Variants in MVB12A observed in about 807,000 individuals in gnomAD.
MVB12A encodes multivesicular body subunit 12A.
In MVB12A, 30 loss-of-function variants were observed where a neutral mutation model predicts 34.3. The observed-to-expected ratio is 0.88, with a 90% confidence interval of 0.65 to 1.19. MVB12A has a LOEUF of 1.19. Ranked by LOEUF, MVB12A falls within the 50% of genes most tolerant of loss-of-function variation. MVB12A has a pLI of 0.00. For missense variants in MVB12A, 355 were observed against 369.2 expected (o/e 0.96, Z 0.31); for synonymous variants, 158 against 158.9 (o/e 0.99, Z 0.04).
rs139658832 is a variant in MVB12A at position 17,412,653 on chromosome 19, A to G, written c.-5+6357A>G. Among the ~76,000 whole-genome samples the G allele has an allele frequency of 1.4e-4, 21 of 152,366 alleles. No homozygotes were observed. In the East Asian group the frequency reaches 3.9e-3, roughly 28 times the overall value. ...CACACAAATTAGAAACTGAAACAGT[A>G]TCTCCATCAACTCAGAGAAAACAGT... On this transcript the variant is annotated intron_variant, in intron 2 of 6. Coordinates refer to the MVB12A transcript ENST00000528604.
At chr19:17,423,452 G>T in intron 4 of MVB12A, 46 bp from the exon 5 acceptor site, 1 of 1,597,936 alleles carries the variant, frequency 6.3e-7, no homozygotes, top group Non-Finnish European at 8.5e-7. Context: ...CTCAACCCTG[G>T]CCCCACACCG....
At chr19:17,424,352 C>T (rs1329817459) in intron 7 of MVB12A, among the ~76,000 whole-genome samples, 1 of 152,132 alleles carries the variant, frequency 6.6e-6, no homozygotes, top group Admixed American at 6.6e-5. Flanking sequence ...GAGACCAAGG[C>T]AGGTGGATCA....
upstream of MVB12A, among the ~76,000 whole-genome samples, chr19:17,416,049 G>A (rs981267817): frequency 1.3e-5 from 2 of 152,134 alleles, no homozygotes; most frequent in African/African-American, 4.8e-5. Context: ...AAGACATTTA[G>A]GCTATGGTTT....
intron 8 of MVB12A, 50 bp from the exon 9 acceptor site, chr19:17,424,881 C>T (rs2074860771): frequency 2.1e-6 from 3 of 1,428,462 alleles, no homozygotes; most frequent in Non-Finnish European, 2.9e-6. Context: ...CCCCCTTTGG[C>T]CCTCTCTTTA....
Position 17,424,606 on chromosome 19 carries a change from A to G in MVB12A, c.703-15A>G. Reference sequence around the variant, plus strand: ...TTGAGATCGGGCCCAAGGCTGACCCACCTCTGCCCGCCAGGCCTTCTCTGC... The same window carrying G: ...TTGAGATCGGGCCCAAGGCTGACCCGCCTCTGCCCGCCAGGCCTTCTCTGC... On this transcript the variant is annotated splice_polypyrimidine_tract_variant and intron_variant, in intron 7 of 8. Coordinates refer to ENST00000317040, the MANE Select transcript of MVB12A (RefSeq NM_138401.4). The G allele has an allele frequency of 6.2e-7, 1 of 1,608,814 alleles. No homozygotes were observed. Among genetic ancestry groups the G allele is most frequent in the Non-Finnish European group, 8.5e-7 (1 of 1,177,728 alleles).
chr19:17,419,930 A>T (rs1006830638), upstream of MVB12A: 2 of 398,552 alleles, frequency 5.0e-6, no homozygotes, highest in Admixed American at 4.5e-5. Flanking sequence ...AACCCTGGCG[A>T]CGCGTGGTGG....
At chr19:17,407,852 G>T (rs2074739100) in intron 2 of MVB12A, among the ~76,000 whole-genome samples, 1 of 152,222 alleles carries the variant, frequency 6.6e-6, no homozygotes, top group Non-Finnish European at 1.5e-5. Context: ...AGTGGGTGTT[G>T]TTCCTTGACA....
At chr19:17,422,586 C>A in intron 4 of MVB12A, 128 bp downstream of exon 4, 2 of 873,288 alleles carry the variant, frequency 2.3e-6, no homozygotes, top group Non-Finnish European at 3.3e-6. Context: ...TCAGATTCTG[C>A]ATGTTAAAAC....
upstream of MVB12A, among the ~76,000 whole-genome samples, chr19:17,416,824 G>T (rs1056975217): frequency 6.6e-6 from 1 of 151,080 alleles, no homozygotes; most frequent in South Asian, 2.1e-4. Flanking sequence ...CTCAGTGTCC[G>T]GAGTAGCTGA....
At chr19:17,424,133 C>T in intron 7 of MVB12A, 66 bp downstream of exon 7, 1 of 1,499,482 alleles carries the variant, frequency 6.7e-7, no homozygotes, top group Non-Finnish European at 9.3e-7. Flanking sequence ...CCAGGACATC[C>T]CTGTATCCAG....
chr19:17,415,276 G>A (rs986118224), upstream of MVB12A: 1 of 152,194 alleles, frequency 6.6e-6, no homozygotes, highest in African/African-American at 2.4e-5. Flanking sequence ...TGATTTACAA[G>A]ACATTAAGGG....
rs2074827757 is a variant in MVB12A, at chr19:17,420,121, C to T, written c.-15C>T. ...CTGTGCCCCGCGACCCCGCCTTCGG[C>T]GCTCGGCTCGCAGGATGGATCCCGT... On this transcript the variant is annotated 5_prime_UTR_variant, in exon 1 of 9. Transcript: ENST00000317040. The T allele has an allele frequency of 1.5e-6, 2 of 1,330,670 alleles. No homozygotes were observed. Among genetic ancestry groups the T allele is most frequent in the Non-Finnish European group, 9.6e-7 (1 of 1,045,128 alleles). 82.4% of individuals were successfully genotyped at this position (1,330,670 alleles called of 1,614,324 possible).
intron 2 of MVB12A, chr19:17,413,489 G>C (rs1002849299): frequency 6.6e-6 from 1 of 152,240 alleles, no homozygotes; most frequent in Admixed American, 6.6e-5. Context: ...CACCACGCCT[G>C]GCTAATTTTT....
chr19:17,411,631 T>C (rs1293456852), intron 2 of MVB12A, among the ~76,000 whole-genome samples: 1 of 152,026 alleles, frequency 6.6e-6, no homozygotes, highest in African/African-American at 2.4e-5. Context: ...TAGCTGGGAC[T>C]ACAGCCACTC....
chr19:17,413,252 T>C (rs2074779941), intron 2 of MVB12A: 1 of 152,074 alleles, frequency 6.6e-6, no homozygotes, highest in Admixed American at 6.6e-5. Context: ...ATCCCAACAC[T>C]TAGGCAGGAG....
chr19:17,420,020 C>CCCA (rs1555735874), upstream of MVB12A: 168,999 of 362,650 alleles, frequency 0.47, 49,076 homozygotes, highest in Middle Eastern at 0.5. Context: ...TCTCCGCCCC[C>CCCA]CCCCCCCGCA....
chr19:17,420,677 AGGGAGGAGCGG>A (rs780816238), intron 3 of MVB12A, 43 bp downstream of exon 3: 2 of 1,443,730 alleles, frequency 1.4e-6, no homozygotes, highest in Non-Finnish European at 1.9e-6. Context: ...GGTCCCTTGC[AGGGAGGAGCGG>A]GGGAGGAGGG....
rs1243062714 is a variant in MVB12A, at chr19:17,424,967, G to T, written c.796G>T (p.Ala266Ser). ...YGFVVEKTAA[A>S]RLPPSVS is the part of the protein sequence containing the mutation. ...CTTCGTGGTGGAGAAGACCGCGGCT[G>T]CCCGCCTGCCCCCCAGCGTCTCATA... Residue 266 changes from alanine to serine, a missense_variant, in exon 9 of 9, where the codon GCC becomes TCC. Transcript: ENST00000317040. 6.2e-7 allele frequency: 1 copy of T among 1,609,642 alleles called. No homozygotes were observed. Among genetic ancestry groups the T allele is most frequent in the Non-Finnish European group, 8.5e-7 (1 of 1,177,634 alleles).
At chr19:17,409,441 C>CTTTTT (rs781196057) in intron 2 of MVB12A, among the ~76,000 whole-genome samples, 40 of 78,194 alleles carry the variant, frequency 5.1e-4, no homozygotes, top group Non-Finnish European at 7.1e-4. Context: ...TCTGCCATTA[C>CTTTTT]TTTTTTTTTT....
Sources: allele counts gnomAD v4.1 joint callset (sites outside exome capture counted in the v4.1 genomes callset), GRCh38; gene constraint gnomAD v4.1.1; transcripts MANE v1.5; gene names NCBI Gene and HGNC (gene_info 2026-07-23, HGNC 2026-07-21).